ADCY5: variants seen among roughly 807,000 people sequenced by gnomAD.
The protein encoded by ADCY5 is adenylate cyclase 5.
Under a neutral mutation model 119.7 loss-of-function variants are expected in ADCY5, and 30 were observed. That is an observed-to-expected ratio of 0.25 (90% CI 0.19 to 0.34). The LOEUF is 0.34. Ranked by LOEUF, ADCY5 falls within the 10% of genes least tolerant of loss-of-function variation. The pLI is 1.00. For synonymous variants in ADCY5, 753 were observed against 762.2 expected, an observed-to-expected ratio of 0.99 and a Z score of 0.20; for missense variants, 1,324 against 1,775.2, an observed-to-expected ratio of 0.75 and a Z score of 4.57.
chr3:123,284,662 C>T lies in ADCY5; in HGVS notation c.3732G>A (p.Lys1244=), dbSNP rs1313001494. 1 of 1,614,214 alleles carries T rather than the reference C, an allele frequency of 6.2e-7. No homozygotes were observed. The highest frequency in any genetic ancestry group is 1.7e-5 in the Admixed American group (1 of 60,030). ...AGTAGGTCATCATCTCGCCTTTGCCCTTGACCTTGACCACGCCCCGGCACT... is the reference window on the plus strand; with the variant it reads ...AGTAGGTCATCATCTCGCCTTTGCCTTTGACCTTGACCACGCCCCGGCACT... ...QLECRGVVKV[K]GKGEMMTYFL... Residue 1244 remains lysine, a synonymous_variant, in exon 21 of 21, where the codon AAG becomes AAA. Transcript: ENST00000462833.
chr3:123,340,093 C>A (rs186719212), intron 3 of ADCY5, among the ~76,000 whole-genome samples: 2 of 151,950 alleles, frequency 1.3e-5, no homozygotes, highest in South Asian at 2.1e-4. Flanking sequence ...AGTCGGAGGC[C>A]GGTCTAAGCA....
intron 1 of ADCY5, among the ~76,000 whole-genome samples, chr3:123,383,682 C>T (rs1047430875): frequency 3.5e-5 from 5 of 144,714 alleles, no homozygotes; most frequent in African/African-American, 1.3e-4. Flanking sequence ...CTGTGCAGAG[C>T]CCCCTGCACA....
At chr3:123,312,165 CT>C (rs1940626508) in intron 12 of ADCY5, among the ~76,000 whole-genome samples, 1 of 152,120 alleles carries the variant, frequency 6.6e-6, no homozygotes, top group Non-Finnish European at 1.5e-5. Context: ...ACCTAAGCCC[CT>C]AACAGAAAAG....
intron 1 of ADCY5, among the ~76,000 whole-genome samples, chr3:123,442,335 C>T (rs1228615012): frequency 1.3e-5 from 2 of 152,214 alleles, no homozygotes. Context: ...CTCCTCAGGT[C>T]CCAGTTTGGT....
At chr3:123,415,527 C>T (rs1945166037) in intron 1 of ADCY5, among the ~76,000 whole-genome samples, 1 of 152,148 alleles carries the variant, frequency 6.6e-6, no homozygotes. Context: ...ACTAACGAGC[C>T]TCTCTTCAGC....
At chr3:123,416,431 G>T in intron 1 of ADCY5, 1 of 1,203,734 alleles carries the variant, frequency 8.3e-7, no homozygotes, top group Non-Finnish European at 1.1e-6. Context: ...GGGCCTCCCT[G>T]TCTCTGATTT....
intron 12 of ADCY5, 86 bp downstream of exon 12, chr3:123,314,130 GCACAATACTCGGGCCCCTT>G: frequency 1.2e-6 from 1 of 858,814 alleles, no homozygotes; most frequent in Non-Finnish European, 1.8e-6. Context: ...CCCCTGCCAA[GCACAATACTCGGGCCCCTT>G]CACATTTTGG....
At chr3:123,331,060 AG>A (rs1941740710) in intron 4 of ADCY5, 44 bp from the exon 5 acceptor site, 1 of 1,579,430 alleles carries the variant, frequency 6.3e-7, no homozygotes, top group East Asian at 2.3e-5. Flanking sequence ...AGTAGGAAAG[AG>A]AAGTGGGAGG....
chr3:123,416,600 G>A (rs1945190221), intron 1 of ADCY5, among the ~76,000 whole-genome samples: 1 of 152,158 alleles, frequency 6.6e-6, no homozygotes, highest in African/African-American at 2.4e-5. Context: ...CCAACCCGTG[G>A]CTCTTACTAT....
At chr3:123,384,902 G>T (rs1009850690) in intron 1 of ADCY5, among the ~76,000 whole-genome samples, 1 of 152,142 alleles carries the variant, frequency 6.6e-6, no homozygotes, top group South Asian at 2.1e-4. Context: ...GTCAGAGGGT[G>T]CAGGCACAAA....
At chr3:123,419,275 T>C in intron 1 of ADCY5, 1 of 923,166 alleles carries the variant, frequency 1.1e-6, no homozygotes, top group Non-Finnish European at 1.3e-6. Flanking sequence ...GCCAGGGAAG[T>C]GCCGTCCGCC....
At chr3:123,368,075 G>T in intron 1 of ADCY5, 1 of 1,435,590 alleles carries the variant, frequency 7.0e-7, no homozygotes, top group South Asian at 1.5e-5. Flanking sequence ...AAGATTCAGT[G>T]AGAGGAGTGC....
intron 1 of ADCY5, among the ~76,000 whole-genome samples, chr3:123,439,256 G>A (rs1945681592): frequency 6.6e-6 from 1 of 150,932 alleles, no homozygotes; most frequent in Admixed American, 6.6e-5. Flanking sequence ...TAGAGACGGG[G>A]TTTCACCGTG....
chr3:123,382,241 A>G (rs1473422647), intron 1 of ADCY5, among the ~76,000 whole-genome samples: 2 of 152,244 alleles, frequency 1.3e-5, no homozygotes, highest in Non-Finnish European at 2.9e-5. Context: ...TATAAAGGAC[A>G]ACACTTCATC....
At chr3:123,426,610 C>T (rs1043459596) in intron 1 of ADCY5, among the ~76,000 whole-genome samples, 7 of 152,082 alleles carry the variant, frequency 4.6e-5, no homozygotes, top group African/African-American at 1.7e-4. Context: ...GGATTACGGG[C>T]GTGAGCCACT....
At chr3:123,390,889 C>A (rs986529445) in intron 1 of ADCY5, among the ~76,000 whole-genome samples, 1 of 152,224 alleles carries the variant, frequency 6.6e-6, no homozygotes, top group African/African-American at 2.4e-5. Context: ...GCAACTGGCA[C>A]GCTATAAAGA....
At chr3:123,293,546 C>T (rs1051766560) in intron 17 of ADCY5, among the ~76,000 whole-genome samples, 1 of 151,830 alleles carries the variant, frequency 6.6e-6, no homozygotes. Context: ...CATGCACACA[C>T]ACACTCTTGT....
intron 1 of ADCY5, among the ~76,000 whole-genome samples, chr3:123,417,578 C>T (rs1205996480): frequency 1.3e-5 from 2 of 152,244 alleles, no homozygotes; most frequent in Admixed American, 6.5e-5. Flanking sequence ...GGATGTGTCA[C>T]TCCTGGCATT....
intron 1 of ADCY5, among the ~76,000 whole-genome samples, chr3:123,357,562 G>C (rs912895973): frequency 6.6e-6 from 1 of 152,194 alleles, no homozygotes; most frequent in African/African-American, 2.4e-5. Context: ...GGGTGCCTTG[G>C]TGTTCATCTC....
Sources: allele counts gnomAD v4.1 joint callset (sites outside exome capture counted in the v4.1 genomes callset), GRCh38; gene constraint gnomAD v4.1.1; transcripts MANE v1.5; gene names NCBI Gene and HGNC (gene_info 2026-07-23, HGNC 2026-07-21).